Variants in HTR2A observed in about 807,000 individuals in gnomAD.
HTR2A encodes the protein 5-HT2 receptor.
Under a neutral mutation model 31.0 loss-of-function variants are expected in HTR2A, and 14 were observed. That is an observed-to-expected ratio of 0.45 (90% CI 0.30 to 0.71). The LOEUF (loss-of-function observed/expected upper bound fraction) is 0.71, where lower values mean the gene tolerates loss of function less well. Ranked by LOEUF, HTR2A falls within the 30% of genes least tolerant of loss-of-function variation. The pLI, the probability that HTR2A is intolerant of heterozygous loss-of-function variation, is 0.09. For synonymous variants in HTR2A, 209 were observed against 225.2 expected (o/e 0.93, Z 0.64); for missense variants, 442 against 573.3 (o/e 0.77, Z 2.34).
intron 3 of HTR2A, among the ~76,000 whole-genome samples, chr13:46,843,671 T>A (rs1206776610): frequency 6.6e-6 from 1 of 152,148 alleles, no homozygotes; most frequent in South Asian, 2.1e-4. Flanking sequence ...AGGGGCAATC[T>A]AAACGGCTAC....
chr13:46,877,238 T>A (rs1448838111), intron 3 of HTR2A, among the ~76,000 whole-genome samples: 1 of 152,168 alleles, frequency 6.6e-6, no homozygotes, highest in Non-Finnish European at 1.5e-5. Context: ...ACGGCAGAAC[T>A]CGGCTTAGAT....
At chr13:46,840,035 G>A (rs1246891008) in intron 3 of HTR2A, among the ~76,000 whole-genome samples, 1 of 152,142 alleles carries the variant, frequency 6.6e-6, no homozygotes, top group Non-Finnish European at 1.5e-5. Context: ...CAGCTGGAAA[G>A]GAGGTGGAGG....
chr13:46,845,076 T>C (rs186818288), intron 3 of HTR2A, among the ~76,000 whole-genome samples: 87 of 152,276 alleles, frequency 5.7e-4, no homozygotes, highest in African/African-American at 1.9e-3. Context: ...AATAGTACTG[T>C]GAACCCTATG....
intron 3 of HTR2A, among the ~76,000 whole-genome samples, chr13:46,868,920 T>C (rs1342116596): frequency 6.6e-6 from 1 of 152,172 alleles, no homozygotes; most frequent in Non-Finnish European, 1.5e-5. Flanking sequence ...AATTCCCAGA[T>C]ATATTATTAA....
intron 3 of HTR2A, among the ~76,000 whole-genome samples, chr13:46,891,482 G>A (rs1387974237): frequency 1.3e-5 from 2 of 152,218 alleles, no homozygotes; most frequent in Non-Finnish European, 2.9e-5. Context: ...TAGTATTATT[G>A]TGTTGGCTCT....
At chr13:46,843,731 T>G (rs1190365160) in intron 3 of HTR2A, among the ~76,000 whole-genome samples, 1 of 152,144 alleles carries the variant, frequency 6.6e-6, no homozygotes. Context: ...CCAATTTTGA[T>G]GACTTTCCTT....
chr13:46,862,209 G>C (rs1950784571), intron 3 of HTR2A, among the ~76,000 whole-genome samples: 1 of 152,188 alleles, frequency 6.6e-6, no homozygotes, highest in African/African-American at 2.4e-5. Flanking sequence ...TCAGTACACA[G>C]CATATAGGAA....
At position 46,831,754 on chromosome 13, in the gene HTR2A, T is replaced by C. The variant is rs1876253810; in HGVS notation, c.*3083A>G. 1 of 152,234 alleles carries C rather than the reference T, an allele frequency of 6.6e-6. No homozygotes were observed. The highest frequency in any genetic ancestry group is 2.1e-4 in the South Asian group (1 of 4,834). The allele number at this position is 152,234 out of a possible 1,614,324, so 9.4% of individuals were successfully genotyped here. The stretch of plus-strand genomic sequence containing the variant: ...AAGCAGTACAGTGACTTAGTTCAAT[T>C]TGGCTACGGTAGCACTTTAAAAAAT... On this transcript the variant is annotated 3_prime_UTR_variant, in exon 4 of 4. Coordinates refer to ENST00000542664, the MANE Select transcript of HTR2A (RefSeq NM_000621.5).
intron 3 of HTR2A, among the ~76,000 whole-genome samples, chr13:46,849,848 A>T (rs953217637): frequency 6.6e-6 from 1 of 152,204 alleles, no homozygotes; most frequent in Non-Finnish European, 1.5e-5. Context: ...CGTGAATGTG[A>T]GCTCCATAAA....
At chr13:46,887,614 A>C (rs1167981674) in intron 3 of HTR2A, among the ~76,000 whole-genome samples, 1 of 152,024 alleles carries the variant, frequency 6.6e-6, no homozygotes, top group Non-Finnish European at 1.5e-5. Flanking sequence ...AGATGAAAAC[A>C]TGGAGAATTA....
intron 3 of HTR2A, among the ~76,000 whole-genome samples, chr13:46,877,847 A>G (rs1243676461): frequency 6.6e-6 from 1 of 152,120 alleles, no homozygotes; most frequent in Non-Finnish European, 1.5e-5. Flanking sequence ...AAAGTAGAAA[A>G]GTAGAAGGCA....
intron 3 of HTR2A, among the ~76,000 whole-genome samples, chr13:46,837,586 CA>C: frequency 6.6e-6 from 1 of 152,302 alleles, no homozygotes; most frequent in African/African-American, 2.4e-5. Context: ...GGTCTCACAC[CA>C]GCCAAGAACA....
chr13:46,843,145 G>A (rs1156549246), intron 3 of HTR2A, among the ~76,000 whole-genome samples: 1 of 152,166 alleles, frequency 6.6e-6, no homozygotes, highest in Non-Finnish European at 1.5e-5. Flanking sequence ...CACAATGCTT[G>A]TGTTCAAGAA....
rs74694806 is a variant in HTR2A, at chr13:46,891,124, G to A, written c.613+1266C>T. On this transcript the variant is annotated intron_variant, in intron 3 of 3. Coordinates refer to ENST00000542664, the MANE Select transcript of HTR2A (RefSeq NM_000621.5). ...GCAAGTTGGAGACATGATCCAGTAA[G>A]CCACAATACCTCTGTATTCTGGTTT... Among the ~76,000 whole-genome samples, 285 of 152,324 alleles carry A rather than the reference G, an allele frequency of 1.9e-3. 1 individual carries two copies. Among genetic ancestry groups the A allele is most frequent in the Non-Finnish European group, 3.4e-3 (228 of 68,032 alleles).
chr13:46,879,935 G>A (rs1950947393), intron 3 of HTR2A, among the ~76,000 whole-genome samples: 1 of 152,134 alleles, frequency 6.6e-6, no homozygotes, highest in African/African-American at 2.4e-5. Context: ...AGCATGGGAG[G>A]CTGAGGCTGC....
intron 3 of HTR2A, among the ~76,000 whole-genome samples, chr13:46,873,004 C>G (rs1950876025): frequency 6.6e-6 from 1 of 152,196 alleles, no homozygotes; most frequent in African/African-American, 2.4e-5. Flanking sequence ...ATTCTTCTGC[C>G]TCAGTAGCTG....
intron 3 of HTR2A, among the ~76,000 whole-genome samples, chr13:46,846,987 C>T (rs1950648031): frequency 6.6e-6 from 1 of 152,206 alleles, no homozygotes; most frequent in Non-Finnish European, 1.5e-5. Flanking sequence ...TGGCTGACTC[C>T]TCCTGTTTGT....
chr13:46,892,719 T>C, intron 2 of HTR2A, 129 bp from the exon 3 acceptor site: 1 of 703,768 alleles, frequency 1.4e-6, no homozygotes, highest in Non-Finnish European at 2.4e-6. Flanking sequence ...AATATATTTT[T>C]AGTATTTGAA....
chr13:46,892,657 T>C lies in HTR2A; in HGVS notation c.413-67A>G, dbSNP rs1951063339. 5 of 1,320,658 alleles carry C rather than the reference T, an allele frequency of 3.8e-6. No individual in the cohort carries two copies. In the East Asian group the frequency reaches 1.2e-4, roughly 30 times the overall value. The allele number at this position is 1,320,658 out of a possible 1,614,324, so 81.8% of individuals were successfully genotyped here. ...TCCTGGAGCACATGTATCCCTATCC[T>C]ATGACAATTTCCAGCTCTGGGACAG... is the stretch of plus-strand genomic sequence containing the variant. On this transcript the variant is annotated intron_variant, in intron 2 of 3. Coordinates refer to ENST00000542664, the MANE Select transcript of HTR2A (RefSeq NM_000621.5).
Sources: allele counts gnomAD v4.1 joint callset (sites outside exome capture counted in the v4.1 genomes callset), GRCh38; gene constraint gnomAD v4.1.1; transcripts MANE v1.5; gene names NCBI Gene and HGNC (gene_info 2026-07-23, HGNC 2026-07-21).